The following PBK variants were observed in gnomAD, a reference collection of about 807,000 sequenced individuals.
The protein encoded by PBK is lymphokine-activated killer T-cell-originated protein kinase.
PBK carries 22 observed loss-of-function variants against 33.5 expected under a neutral mutation model. That is an observed-to-expected ratio of 0.66 (90% CI 0.47 to 0.94). The LOEUF (loss-of-function observed/expected upper bound fraction) is 0.94, where lower values mean the gene tolerates loss of function less well. PBK is among the 40% of genes least tolerant of loss of function. The pLI, the probability that PBK is intolerant of heterozygous loss-of-function variation, is 0.00. For missense variants in PBK, 376 were observed against 383.4 expected (o/e 0.98, Z 0.16); for synonymous variants, 129 against 123.8 (o/e 1.04, Z -0.28).
intron 6 of PBK, among the ~76,000 whole-genome samples, chr8:27,818,055 T>C (rs1441653569): frequency 6.6e-6 from 1 of 152,188 alleles, no homozygotes; most frequent in Non-Finnish European, 1.5e-5. Flanking sequence ...TCCAATGCTT[T>C]TTCACCCTCC....
chr8:27,821,270 A>G (rs913066820), intron 5 of PBK, among the ~76,000 whole-genome samples: 6 of 149,782 alleles, frequency 4.0e-5, no homozygotes, highest in African/African-American at 1.2e-4. Flanking sequence ...TAAGTTAACT[A>G]TTTTTTTCCA....
chr8:27,830,627 CTA>C (rs1315215599), intron 2 of PBK, among the ~76,000 whole-genome samples: 2 of 152,176 alleles, frequency 1.3e-5, no homozygotes. Flanking sequence ...TAAAATGTGA[CTA>C]ATACAACTGA....
chr8:27,828,068 T>C, intron 3 of PBK, 37 bp downstream of exon 3: 1 of 941,162 alleles, frequency 1.1e-6, no homozygotes, highest in Non-Finnish European at 1.7e-6. Context: ...GAATTATAGT[T>C]GCATGAAAAA....
chr8:27,827,444 G>A lies in PBK; in HGVS notation c.152+661C>T, dbSNP rs545087865. On this transcript the variant is annotated intron_variant, in intron 3 of 7. Transcript: ENST00000301905. ...CGCCTGTAATCCCAGCTATTCAGGA[G>A]GCTGAGGCAGGAGAAGCGCTTGAAC... Among the ~76,000 whole-genome samples, 6 of 152,298 alleles carry A rather than the reference G, an allele frequency of 3.9e-5. No homozygotes were observed. In the South Asian group the frequency reaches 1.2e-3, roughly 32 times the overall value.
At chr8:27,820,824 A>C in intron 5 of PBK, 130 bp from the exon 6 acceptor site, 1 of 384,998 alleles carries the variant, frequency 2.6e-6, no homozygotes, top group Non-Finnish European at 4.5e-6. Context: ...GCGTTTCAAA[A>C]TTTTTTTTTT....
chr8:27,823,943 G>A (rs1805979138), intron 3 of PBK, among the ~76,000 whole-genome samples: 1 of 152,018 alleles, frequency 6.6e-6, no homozygotes, highest in Non-Finnish European at 1.5e-5. Flanking sequence ...ACAAAACCTA[G>A]TGAAAGAGCC....
chr8:27,822,025 G>A (rs779446652), intron 5 of PBK, among the ~76,000 whole-genome samples: 6 of 152,122 alleles, frequency 3.9e-5, no homozygotes, highest in Non-Finnish European at 7.3e-5. Flanking sequence ...ATACCACATA[G>A]CCCAGGTGTG....
In PBK at chr8:27,833,107, C is replaced by T; in HGVS notation, c.7G>A (p.Gly3Arg). Residue 3 changes from glycine (G) to arginine (R), a missense_variant, in exon 2 of 8, where the codon GGG (glycine) becomes AGG (arginine). Transcript: ENST00000301905. ...CTTGGTGTCTTGAAATTACTGATCC[C>T]TTCCATTGTGAAAGCCACTCTCAGT... Reference protein sequence around the residue: MEGISNFKTPSKL... With the variant: MERISNFKTPSKL... 6.3e-7 allele frequency: 1 copy of T among 1,595,422 alleles called. No individual in the cohort carries two copies. The highest frequency in any genetic ancestry group is 2.2e-5 in the East Asian group (1 of 44,700).
At chr8:27,813,541 A>C (rs1805743754) in intron 6 of PBK, among the ~76,000 whole-genome samples, 1 of 152,154 alleles carries the variant, frequency 6.6e-6, no homozygotes, top group South Asian at 2.1e-4. Context: ...AAGGTATACA[A>C]CTTGATGTTT....
At chr8:27,816,885 ATAAAT>A (rs763158369) in intron 6 of PBK, among the ~76,000 whole-genome samples, 39 of 152,252 alleles carry the variant, frequency 2.6e-4, no homozygotes, top group Middle Eastern at 3.4e-3. Context: ...GTGTGGTAGT[ATAAAT>A]TAAACCACCC....
intron 6 of PBK, among the ~76,000 whole-genome samples, chr8:27,813,334 G>A (rs1805735348): frequency 6.6e-6 from 1 of 152,046 alleles, no homozygotes; most frequent in Admixed American, 6.6e-5. Context: ...AGGGGGGAGG[G>A]ATAGCATTAG....
chr8:27,819,327 CAACTT>C (rs10570846), intron 6 of PBK, among the ~76,000 whole-genome samples: 64,284 of 151,396 alleles, frequency 0.42, 13,880 homozygotes, highest in East Asian at 0.61. Context: ...GTTGAATATT[CAACTT>C]AACTTCATAA....
At position 27,820,586 on chromosome 8, in the gene PBK, G is replaced by T. The variant is rs200662690; in HGVS notation, c.574C>A (p.Pro192Thr). The change falls in exon 6 of 8, where the codon CCA (proline) becomes ACA (threonine). Residue 192 changes from proline to threonine, a missense_variant. Coordinates refer to ENST00000301905, the MANE Select transcript of PBK (RefSeq NM_018492.4). ...IKICDVGVSL[P>T]LDENMTVTDP... ...TTACCAGTCATATTTTCATCCAGTG[G>T]TAGAGAGACTCCTACATCACAGATT... is the stretch of plus-strand genomic sequence containing the variant. The T allele has an allele frequency of 1.9e-5, 30 of 1,582,712 alleles. No individual in the cohort carries two copies. In the East Asian group the frequency reaches 6.7e-4, roughly 36 times the overall value.
At chr8:27,823,791 C>T (rs902445686) in intron 3 of PBK, among the ~76,000 whole-genome samples, 5 of 152,024 alleles carry the variant, frequency 3.3e-5, no homozygotes, top group African/African-American at 1.2e-4. Context: ...TAGGAAGATT[C>T]AGCCATTTTA....
intron 6 of PBK, among the ~76,000 whole-genome samples, chr8:27,813,593 TTAAC>T (rs780062158): frequency 5.1e-4 from 74 of 146,530 alleles, no homozygotes; most frequent in South Asian, 3.5e-3. Context: ...GTCAAGCTAA[TTAAC>T]ATATCTATCA....
intron 1 of PBK, among the ~76,000 whole-genome samples, chr8:27,834,348 T>C (rs985075427): frequency 4.6e-5 from 7 of 152,076 alleles, no homozygotes; most frequent in Non-Finnish European, 7.4e-5. Flanking sequence ...TTTTAGGAAA[T>C]GTCCAGAATA....
In PBK at chr8:27,828,091, A is replaced by C. The variant is rs1472032034; in HGVS notation, c.152+14T>G. On this transcript the variant is annotated intron_variant, in intron 3 of 7. Coordinates refer to ENST00000301905, the MANE Select transcript of PBK (RefSeq NM_018492.4). ...GTTGCATGAAAAAAGGTTAATCTGA[A>C]ATCTTATACTTACCTTTTCATTAGG... 3.2e-6 allele frequency: 4 copies of C among 1,236,486 alleles called. No individual in the cohort carries two copies. The highest frequency in any genetic ancestry group is 1.2e-6 in the Non-Finnish European group (1 of 844,552). 76.6% of individuals were successfully genotyped at this position (1,236,486 alleles called of 1,614,324 possible).
At chr8:27,833,384 G>A (rs879317472) in intron 1 of PBK, among the ~76,000 whole-genome samples, 6 of 152,044 alleles carry the variant, frequency 3.9e-5, no homozygotes, top group East Asian at 1.9e-4. Flanking sequence ...TGGCGCATGC[G>A]TGTAATCCCA....
chr8:27,823,156 G>T lies in PBK; in HGVS notation c.202C>A (p.Pro68Thr). ...HSPWAVKKIN[P>T]ICNDHYRSVY... ...CTTCGATAATGATCATTACATATAG[G>T]ATTAATCTTTTTTACAGCCCAAGGA... is the stretch of plus-strand genomic sequence containing the variant. The change falls in exon 4 of 8, where the codon CCT becomes ACT. Residue 68 changes from proline (P) to threonine (T), a missense_variant. By Grantham distance (38) the Pro-to-Thr change is conservative (BLOSUM62 -1). Coordinates refer to ENST00000301905, the MANE Select transcript of PBK (RefSeq NM_018492.4). 1.3e-6 allele frequency: 2 copies of T among 1,554,666 alleles called. No homozygotes were observed. Among genetic ancestry groups the T allele is most frequent in the Non-Finnish European group, 1.8e-6 (2 of 1,129,498 alleles).
Sources: allele counts gnomAD v4.1 joint callset (sites outside exome capture counted in the v4.1 genomes callset), GRCh38; gene constraint gnomAD v4.1.1; transcripts MANE v1.5; gene names NCBI Gene and HGNC (gene_info 2026-07-23, HGNC 2026-07-21).